CARD9: variants seen among roughly 807,000 people sequenced by gnomAD.
The protein encoded by CARD9 is caspase recruitment domain family member 9.
Under a neutral mutation model 66.0 loss-of-function variants are expected in CARD9, and 53 were observed. The observed-to-expected ratio is 0.80, with a 90% CI of 0.64 to 1.01. The LOEUF is 1.01. CARD9 is among the 50% of genes least tolerant of loss of function. The pLI is 0.00. For missense variants in CARD9, 769 were observed against 743.2 expected, an observed-to-expected ratio of 1.03 and a Z score of -0.40; for synonymous variants, 387 against 313.8, an observed-to-expected ratio of 1.23 and a Z score of -2.47.
rs770668488 is a variant in CARD9 at position 136,370,383 on chromosome 9, G to A, written c.862C>T (p.Arg288Trp). The A allele has an allele frequency of 3.1e-6, 5 of 1,610,676 alleles. No homozygotes were observed. The highest frequency in any genetic ancestry group is 2.2e-5 in the East Asian group (1 of 44,792). Residue 288 changes from arginine (R) to tryptophan (W), a missense_variant, in exon 6 of 13, where the codon CGG becomes TGG. By Grantham distance (101) the Arg-to-Trp change is moderately radical. Coordinates refer to ENST00000371732, the MANE Select transcript of CARD9 (RefSeq NM_052813.5). ...PYIQVLEEDWRQALRDHQEQA... is the reference protein window; with the variant it reads ...PYIQVLEEDWWQALRDHQEQA... ...TCCTGGTGGTCCCGCAGCGCCTGCC[G>A]CCAGTCCTCCTCCAGTACCTGGATG...
rs1833233725 is a variant in CARD9 at position 136,370,388 on chromosome 9, T to C, written c.857A>G (p.Asp286Gly). The C allele has an allele frequency of 6.2e-7, 1 of 1,611,206 alleles. No homozygotes were observed. The highest frequency in any genetic ancestry group is 1.3e-5 in the African/African-American group (1 of 75,002). The change falls in exon 6 of 13, where the codon GAC becomes GGC. Residue 286 changes from aspartate to glycine, a missense_variant. Asp to Gly is a moderately conservative substitution (Grantham distance 94). Coordinates refer to ENST00000371732, the MANE Select transcript of CARD9 (RefSeq NM_052813.5). ...SSPYIQVLEE[D>G]WRQALRDHQE... The stretch of plus-strand genomic sequence containing the variant: ...GTGGTCCCGCAGCGCCTGCCGCCAG[T>C]CCTCCTCCAGTACCTGGATGTAGGG...
chr9:136,368,295 C>T (rs1489851884), intron 7 of CARD9, among the ~76,000 whole-genome samples: 5 of 152,246 alleles, frequency 3.3e-5, no homozygotes, highest in African/African-American at 9.6e-5. Context: ...ACCCCTTCTG[C>T]CCAGACTGGA....
chr9:136,365,353 G>C, intron 10 of CARD9, 136 bp from the exon 11 acceptor site: 1 of 781,662 alleles, frequency 1.3e-6, no homozygotes, highest in Non-Finnish European at 2.1e-6. Context: ...GTCCAGTGTA[G>C]ACTCTGCTTT....
rs1025690812 is a variant in CARD9, at chr9:136,370,343, A to G, written c.902T>C (p.Ile301Thr). ...LRDHQEQANT[I>T]FSLRKDLRQG... is the part of the protein sequence containing the mutation. ...GCGGAGGTCCTTGCGCAGGGAGAAG[A>G]TGGTGTTGGCCTGCTCCTGGTGGTC... The change falls in exon 6 of 13, where the codon ATC becomes ACC. Residue 301 changes from isoleucine (I) to threonine (T), a missense_variant. Physicochemically the swap from Ile to Thr is moderately conservative, Grantham distance 89 (BLOSUM62 -1). Coordinates refer to ENST00000371732, the MANE Select transcript of CARD9 (RefSeq NM_052813.5). The G allele has an allele frequency of 1.9e-6, 3 of 1,609,854 alleles. No homozygotes were observed. The highest frequency in any genetic ancestry group is 1.7e-6 in the Non-Finnish European group (2 of 1,179,328).
In CARD9 at chr9:136,364,237, G is replaced by GC; in HGVS notation, c.*64dup. ...GGGAAGTCTGCGCCCCAGGGCGTCG[G>GC]CACCCCCGGGTGGCAGGAGGCCGGG... On this transcript the variant is annotated 3_prime_UTR_variant, in exon 13 of 13. Coordinates refer to ENST00000371732, the MANE Select transcript of CARD9 (RefSeq NM_052813.5). 12 of 1,550,418 alleles carry GC rather than the reference G, an allele frequency of 7.7e-6. No individual in the cohort carries two copies. The highest frequency in any genetic ancestry group is 3.3e-4 in the Middle Eastern group (2 of 5,990).
At chr9:136,371,601 T>G (rs1314067515) in intron 2 of CARD9, 140 bp from the exon 3 acceptor site, 12 of 1,362,676 alleles carry the variant, frequency 8.8e-6, no homozygotes, top group Non-Finnish European at 9.9e-6. Flanking sequence ...TGAGGTACCC[T>G]GCGGGTCTTG....
Position 136,371,042 on chromosome 9 carries a change from G to C in CARD9, c.426C>G (p.Asp142Glu), listed in dbSNP as rs757521454. The change falls in exon 4 of 13, where the codon GAC becomes GAG. Residue 142 changes from aspartate (D) to glutamate (E), a missense_variant. Physicochemically the swap from Asp to Glu is conservative, Grantham distance 45. Coordinates refer to ENST00000371732, the MANE Select transcript of CARD9 (RefSeq NM_052813.5). ...DLTALLSSKD[D>E]FIKELRVKDS... is the part of the protein sequence containing the mutation. Reference sequence around the variant, plus strand: ...CCTTCACCCGCAGCTCCTTGATGAAGTCATCTTTGGAGCTCAGCAGCGCGG... The same window carrying C: ...CCTTCACCCGCAGCTCCTTGATGAACTCATCTTTGGAGCTCAGCAGCGCGG... The C allele has an allele frequency of 1.2e-6, 2 of 1,612,526 alleles. No homozygotes were observed. The highest frequency in any genetic ancestry group is 2.2e-5 in the South Asian group (2 of 90,946).
At chr9:136,365,629 C>A in intron 10 of CARD9, 2 of 223,466 alleles carry the variant, frequency 8.9e-6, no homozygotes, top group Non-Finnish European at 1.8e-5. Context: ...TCTGGGTCCT[C>A]CTGAAGTGGG....
rs1281036759 is a variant in CARD9, at chr9:136,369,822, G to A, written c.1005C>T (p.Asp335=). The change falls in exon 7 of 13, where the codon GAC becomes GAT. Residue 335 remains aspartate, a synonymous_variant. Transcript: ENST00000371732. ...FELQCLALRK[D]SKMYKDRIEA... ...CGATGCGGTCCTTGTACATCTTGGA[G>A]TCCTTACGTAGTGCCAGGCACTGCA... 2 of 1,612,936 alleles carry A rather than the reference G, an allele frequency of 1.2e-6. No homozygotes were observed. Among genetic ancestry groups the A allele is most frequent in the Non-Finnish European group, 1.7e-6 (2 of 1,179,992 alleles).
intron 3 of CARD9, 43 bp downstream of exon 3, chr9:136,371,281 C>G: frequency 6.3e-7 from 1 of 1,583,324 alleles, no homozygotes; most frequent in Non-Finnish European, 8.6e-7. Context: ...GCCCGCTCCC[C>G]GCCAGCGCCT....
At position 136,370,426 on chromosome 9, in the gene CARD9, C is replaced by T. The variant is rs1325602887; in HGVS notation, c.819G>A (p.Leu273=). The change falls in exon 6 of 13, where the codon CTG becomes CTA. Residue 273 remains leucine (L), a synonymous_variant. Coordinates refer to ENST00000371732, the MANE Select transcript of CARD9 (RefSeq NM_052813.5). The part of the protein sequence containing the change: ...ELEASVQEGK[L]DRSSPYIQVL... ...CCTGGATGTAGGGGCTGCTCCTGTC[C>T]AGCTTCCCCTCCTGAAGGGGGCAAA... The T allele has an allele frequency of 6.2e-7, 1 of 1,610,880 alleles. No individual in the cohort carries two copies. The highest frequency in any genetic ancestry group is 1.3e-5 in the African/African-American group (1 of 74,892).
intron 7 of CARD9, chr9:136,368,034 C>T (rs919796107): frequency 9.9e-6 from 14 of 1,414,498 alleles, no homozygotes; most frequent in Middle Eastern, 3.6e-4. Context: ...TCCCTGCTGC[C>T]CTTCTGTCTC....
intron 1 of CARD9, 51 bp from the exon 2 acceptor site, chr9:136,372,145 C>T (rs1421591411): frequency 1.9e-5 from 30 of 1,595,838 alleles, no homozygotes; most frequent in Middle Eastern, 2.0e-4. Flanking sequence ...TGCCCCCACC[C>T]GGGCCCAGCT....
chr9:136,369,236 G>A (rs1833198118), intron 7 of CARD9, among the ~76,000 whole-genome samples: 1 of 152,162 alleles, frequency 6.6e-6, no homozygotes, highest in Non-Finnish European at 1.5e-5. Context: ...GATGACAGGC[G>A]AGAGACACCA....
intron 7 of CARD9, among the ~76,000 whole-genome samples, chr9:136,368,492 G>T (rs1330476273): frequency 6.6e-6 from 1 of 152,268 alleles, no homozygotes; most frequent in Non-Finnish European, 1.5e-5. Context: ...CTGAGCCTGG[G>T]CTGCTCTCAT....
At chr9:136,366,939 T>C in intron 9 of CARD9, 94 bp from the exon 10 acceptor site, 1 of 1,408,422 alleles carries the variant, frequency 7.1e-7, no homozygotes, top group Non-Finnish European at 1.0e-6. Context: ...CTCAGCTGGG[T>C]GCAGCCATTG....
At chr9:136,370,748 G>A (rs376998598) in intron 4 of CARD9, 47 bp from the exon 5 acceptor site, 134 of 1,611,694 alleles carry the variant, frequency 8.3e-5, no homozygotes, top group Middle Eastern at 8.3e-4. Flanking sequence ...GGCGGTGACC[G>A]CAGACCCGTG....
At position 136,369,943 on chromosome 9, in the gene CARD9, C is replaced by T. The variant is rs533239815; in HGVS notation, c.952-68G>A. The T allele has an allele frequency of 1.6e-4, 263 of 1,598,716 alleles. 3 individuals are homozygous for T. In the East Asian group the frequency reaches 4.8e-3, roughly 29 times the overall value. Reference sequence around the variant, plus strand: ...CCATTCTGGCCCTTGGGGTATACTCCGGGCAGGGGCTCAGAAGCATGTGGT... The same window carrying T: ...CCATTCTGGCCCTTGGGGTATACTCTGGGCAGGGGCTCAGAAGCATGTGGT... On this transcript the variant is annotated intron_variant, in intron 6 of 12. Coordinates refer to ENST00000371732, the MANE Select transcript of CARD9 (RefSeq NM_052813.5).
At chr9:136,369,702 C>T (rs1833210097) in intron 7 of CARD9, 48 bp downstream of exon 7, 1 of 1,554,534 alleles carries the variant, frequency 6.4e-7, no homozygotes, top group Non-Finnish European at 8.7e-7. Flanking sequence ...GGCCCTGGTG[C>T]ACCCACCCGC....
Sources: allele counts gnomAD v4.1 joint callset (sites outside exome capture counted in the v4.1 genomes callset), GRCh38; gene constraint gnomAD v4.1.1; transcripts MANE v1.5; gene names NCBI Gene and HGNC (gene_info 2026-07-23, HGNC 2026-07-21).